Variants in TCEA3 observed in about 807,000 individuals in gnomAD.
The protein encoded by TCEA3 is transcription elongation factor A protein 3.
In TCEA3, 36 loss-of-function variants were observed where a neutral mutation model predicts 44.0. That is an observed-to-expected ratio of 0.82 (90% CI 0.63 to 1.08). The LOEUF is 1.08. TCEA3 is among the 50% of genes least tolerant of loss of function. The pLI, the probability that TCEA3 is intolerant of heterozygous loss-of-function variation, is 0.00. For missense variants in TCEA3, 392 were observed against 441.2 expected (o/e 0.89, Z 1.00); for synonymous variants, 162 against 159.7 (o/e 1.01, Z -0.11).
At chr1:23,391,148 CTTTTTTTT>C (rs59905045) in intron 8 of TCEA3, among the ~76,000 whole-genome samples, 1 of 126,388 alleles carries the variant, frequency 7.9e-6, no homozygotes, top group Non-Finnish European at 1.7e-5. Flanking sequence ...TTCTTTCTTT[CTTTTTTTT>C]TTTTTTTTTT....
intron 7 of TCEA3, among the ~76,000 whole-genome samples, chr1:23,396,500 T>C (rs527243271): frequency 9.2e-5 from 14 of 151,894 alleles, no homozygotes; most frequent in African/African-American, 3.1e-4. Flanking sequence ...AGGTGAGAAG[T>C]TGGGGAGCAG....
At chr1:23,400,346 A>T (rs2148562566) in intron 5 of TCEA3, among the ~76,000 whole-genome samples, 1 of 148,418 alleles carries the variant, frequency 6.7e-6, no homozygotes, top group East Asian at 2.0e-4. Flanking sequence ...GCTAGGACTG[A>T]CTACAGGCAG....
At chr1:23,384,525 T>G in intron 9 of TCEA3, 108 bp from the exon 10 acceptor site, 1 of 1,133,152 alleles carries the variant, frequency 8.8e-7, no homozygotes, top group Non-Finnish European at 1.3e-6. Flanking sequence ...GGCACTGAGA[T>G]TCCCACCCCC....
chr1:23,409,696 G>T (rs1355795357), intron 4 of TCEA3, among the ~76,000 whole-genome samples: 3 of 151,846 alleles, frequency 2.0e-5, no homozygotes. Context: ...TTACAGGCGT[G>T]TGCCACCATG....
chr1:23,421,911 CT>C (rs1180579410), intron 1 of TCEA3, among the ~76,000 whole-genome samples: 4 of 152,190 alleles, frequency 2.6e-5, no homozygotes, highest in African/African-American at 9.7e-5. Flanking sequence ...TGTGTCACAG[CT>C]GTATAACTGG....
chr1:23,424,695 G>A lies in TCEA3; in HGVS notation c.-62C>T. On this transcript the variant is annotated 5_prime_UTR_variant, in exon 1 of 11. Transcript: ENST00000450454. The stretch of plus-strand genomic sequence containing the variant: ...GGGCAGCAGTAGGGCCTCGGGGGCA[G>A]GAGGCGCGAAGGCGGAGGGCGCGCA... 1 of 1,378,386 alleles carries A rather than the reference G, an allele frequency of 7.3e-7. No individual in the cohort carries two copies. The highest frequency in any genetic ancestry group is 2.4e-5 in the East Asian group (1 of 41,586). 85.4% of individuals were successfully genotyped at this position (1,378,386 alleles called of 1,614,324 possible). A position where few individuals can be genotyped will look rare whatever the true frequency, so the allele number is the denominator to read the frequency against.
At chr1:23,392,415 C>CACACACTCCACACATCATACAT (rs1639067803) in intron 8 of TCEA3, among the ~76,000 whole-genome samples, 2 of 774 alleles carry the variant, frequency 2.6e-3, no homozygotes, top group African/African-American at 0.01. Flanking sequence ...TCATCATGCA[C>CACACACTCCACACATCATACAT]AATACACACA....
At chr1:23,420,601 T>G (rs1029699398) in intron 1 of TCEA3, among the ~76,000 whole-genome samples, 2 of 152,180 alleles carry the variant, frequency 1.3e-5, no homozygotes, top group Admixed American at 6.6e-5. Flanking sequence ...AGGTTCCAGT[T>G]TGGGGCTGCT....
At chr1:23,403,867 AGCTG>A (rs1046066176) in intron 5 of TCEA3, 21 of 521,826 alleles carry the variant, frequency 4.0e-5, no homozygotes, top group Admixed American at 1.3e-4. Flanking sequence ...CCCGGTTAGG[AGCTG>A]GCTGGCTGGC....
At position 23,383,008 on chromosome 1, in the gene TCEA3, G is replaced by A. The variant is rs192849822; in HGVS notation, c.1038+1338C>T. The stretch of plus-strand genomic sequence containing the variant: ...AGAAAAATAATTAGAGGCCGGGCGC[G>A]GCGGCTCACGCCTGTAATCCCAGCA... On this transcript the variant is annotated intron_variant, in intron 10 of 10. Coordinates refer to ENST00000450454, the MANE Select transcript of TCEA3 (RefSeq NM_003196.3). 2.3e-3 allele frequency among the ~76,000 whole-genome samples: 351 copies of A among 152,312 alleles called. 4 individuals are homozygous for A. The highest frequency in any genetic ancestry group is 7.9e-3 in the African/African-American group (329 of 41,574).
chr1:23,404,083 G>A (rs1190955255), intron 5 of TCEA3: 3 of 702,240 alleles, frequency 4.3e-6, no homozygotes, highest in Non-Finnish European at 7.8e-6. Context: ...GGTCTGAGTA[G>A]AGGCATCTGG....
intron 8 of TCEA3, among the ~76,000 whole-genome samples, chr1:23,391,677 C>CT (rs1422629351): frequency 1.3e-5 from 2 of 152,124 alleles, no homozygotes; most frequent in Non-Finnish European, 2.9e-5. Context: ...AATCCCAGCA[C>CT]TTTGGGAGGC....
chr1:23,421,868 C>T (rs781378125), intron 1 of TCEA3, among the ~76,000 whole-genome samples: 1 of 152,208 alleles, frequency 6.6e-6, no homozygotes, highest in Non-Finnish European at 1.5e-5. Flanking sequence ...CTGTGTTAAG[C>T]CAGTTCCAGC....
chr1:23,397,418 A>T (rs1639247761), intron 7 of TCEA3, 127 bp downstream of exon 7: 1 of 782,064 alleles, frequency 1.3e-6, no homozygotes, highest in Non-Finnish European at 2.1e-6. Context: ...ACTCTGGTTC[A>T]GGGGCAGAGC....
intron 5 of TCEA3, among the ~76,000 whole-genome samples, chr1:23,405,807 C>T (rs1008126699): frequency 1.3e-5 from 2 of 152,156 alleles, no homozygotes; most frequent in African/African-American, 4.8e-5. Context: ...CAAATCCTTA[C>T]ATGAATGTCG....
chr1:23,397,756 C>T, intron 6 of TCEA3, 36 bp downstream of exon 6: 1 of 1,613,440 alleles, frequency 6.2e-7, no homozygotes, highest in Non-Finnish European at 8.5e-7. Flanking sequence ...AAAAGGGACT[C>T]CTTCCCTCCC....
chr1:23,399,154 A>ATATATATG lies in TCEA3; in HGVS notation c.444-1200_444-1199insCATATATA, dbSNP rs1553167306. Among the ~76,000 whole-genome samples the ATATATATG allele has an allele frequency of 1.3e-4, 14 of 107,202 alleles. 1 individual carries two copies. In the East Asian group the frequency reaches 4.7e-3, roughly 36 times the overall value. 70.3% of individuals were successfully genotyped at this position (107,202 alleles called of 152,430 possible). On this transcript the variant is annotated intron_variant, in intron 5 of 10. Transcript: ENST00000450454. ...TATATATGTATATATGTATATATAT[A>ATATATATG]TATATATATATATATATATATATAT...
At chr1:23,387,641 G>T (rs1308422402) in intron 8 of TCEA3, among the ~76,000 whole-genome samples, 1 of 152,212 alleles carries the variant, frequency 6.6e-6, no homozygotes, top group Non-Finnish European at 1.5e-5. Flanking sequence ...GCACATTCAG[G>T]TGAGCAGCAG....
At chr1:23,386,047 T>C (rs1638825882) in intron 9 of TCEA3, among the ~76,000 whole-genome samples, 2 of 152,162 alleles carry the variant, frequency 1.3e-5, no homozygotes, top group African/African-American at 4.8e-5. Context: ...TGATTCTTCT[T>C]ATTGTCACGT....
Sources: allele counts gnomAD v4.1 joint callset (sites outside exome capture counted in the v4.1 genomes callset), GRCh38; gene constraint gnomAD v4.1.1; transcripts MANE v1.5; gene names NCBI Gene and HGNC (gene_info 2026-07-23, HGNC 2026-07-21).